Variants in NFIA observed in about 807,000 individuals in gnomAD.
NFIA encodes nuclear factor I A.
In NFIA, 8 loss-of-function variants were observed where a neutral mutation model predicts 62.8. That is an observed-to-expected ratio of 0.13 (90% CI 0.07 to 0.23). The LOEUF is 0.23. Ranked by LOEUF, NFIA falls within the 10% of genes least tolerant of loss-of-function variation. The probability of loss-of-function intolerance (pLI) is 1.00; values close to 1 mark genes in which losing one functional copy is unlikely to be tolerated. For missense variants in NFIA, 410 were observed against 642.1 expected, an observed-to-expected ratio of 0.64 and a Z score of 3.91; for synonymous variants, 235 against 238.1, an observed-to-expected ratio of 0.99 and a Z score of 0.12.
intron 4 of NFIA, among the ~76,000 whole-genome samples, chr1:61,349,682 C>T (rs544842537): frequency 1.3e-5 from 2 of 152,240 alleles, no homozygotes; most frequent in South Asian, 4.2e-4. Flanking sequence ...TCAAGTGATC[C>T]TCCCGTCTCA....
At chr1:61,262,216 AAAATTTGTATTTT>A (rs571848444) in intron 2 of NFIA, among the ~76,000 whole-genome samples, 138 of 152,206 alleles carry the variant, frequency 9.1e-4, no homozygotes, top group African/African-American at 3.2e-3. Context: ...TTTTTATGTG[AAAATTTGTATTTT>A]GTTTCACTCC....
intron 7 of NFIA, among the ~76,000 whole-genome samples, chr1:61,383,825 G>A (rs1008134016): frequency 1.1e-4 from 16 of 152,182 alleles, no homozygotes; most frequent in African/African-American, 3.4e-4. Flanking sequence ...CATAAAACCT[G>A]ATTTCAATAT....
intron 10 of NFIA, among the ~76,000 whole-genome samples, chr1:61,440,695 A>G (rs576321860): frequency 1.3e-5 from 2 of 151,800 alleles, no homozygotes; most frequent in Non-Finnish European, 2.9e-5. Flanking sequence ...TCTTTGGGAA[A>G]AAGAACATCT....
intron 2 of NFIA, among the ~76,000 whole-genome samples, chr1:61,155,596 C>T (rs1262423460): frequency 7.1e-6 from 1 of 141,442 alleles, no homozygotes; most frequent in Non-Finnish European, 1.5e-5. Flanking sequence ...TGGCGTGAAC[C>T]CGGGAAGCGG....
At chr1:61,094,788 C>T (rs958605802) in intron 2 of NFIA, among the ~76,000 whole-genome samples, 2 of 152,080 alleles carry the variant, frequency 1.3e-5, no homozygotes, top group Non-Finnish European at 2.9e-5. Context: ...GAAAACAATT[C>T]CTCATGTTTT....
chr1:61,327,840 A>G (rs1661037739), intron 3 of NFIA, among the ~76,000 whole-genome samples: 1 of 152,128 alleles, frequency 6.6e-6, no homozygotes, highest in South Asian at 2.1e-4. Context: ...AAATCTCCAT[A>G]CTGTTTCACA....
chr1:61,210,359 A>G (rs1461599142), intron 2 of NFIA, among the ~76,000 whole-genome samples: 1 of 152,198 alleles, frequency 6.6e-6, no homozygotes, highest in Non-Finnish European at 1.5e-5. Flanking sequence ...TTAAAAAAAC[A>G]CAAAAACCAT....
chr1:61,359,862 A>G (rs1186559249), intron 6 of NFIA, among the ~76,000 whole-genome samples: 1 of 152,062 alleles, frequency 6.6e-6, no homozygotes, highest in Non-Finnish European at 1.5e-5. Context: ...CAAACTCCTG[A>G]CCTTGTGATT....
At chr1:61,335,892 G>A (rs1661578922) in intron 4 of NFIA, among the ~76,000 whole-genome samples, 1 of 152,000 alleles carries the variant, frequency 6.6e-6, no homozygotes, top group East Asian at 1.9e-4. Flanking sequence ...TTAAACACAT[G>A]ATGTTAGCCC....
chr1:61,459,708 CTT>C lies in NFIA; in HGVS notation c.*4390_*4391del, dbSNP rs1668456452. 1 of 152,330 alleles carries C rather than the reference CTT, an allele frequency of 6.6e-6. No individual in the cohort carries two copies. The highest frequency in any genetic ancestry group is 3.4e-3 in the Middle Eastern group (1 of 294). 9.4% of individuals were successfully genotyped at this position (152,330 alleles called of 1,614,324 possible). On this transcript the variant is annotated 3_prime_UTR_variant, in exon 11 of 11. Transcript: ENST00000403491. ...GCAAGACCCATCTCCAAAAGTTTGT[CTT>C]TGATTTTTTCCAAGCCCTTAGCCCC...
intron 3 of NFIA, among the ~76,000 whole-genome samples, chr1:61,282,872 ATTTAGATGATTTCC>A (rs1658222324): frequency 6.6e-6 from 1 of 151,958 alleles, no homozygotes; most frequent in African/African-American, 2.4e-5. Flanking sequence ...CAGAATTGGT[ATTTAGATGATTTCC>A]TTTAGGTTTA....
chr1:61,248,848 G>C (rs1011321625), intron 2 of NFIA: 1 of 152,182 alleles, frequency 6.6e-6, no homozygotes, highest in African/African-American at 2.4e-5. Flanking sequence ...AATGCTCATG[G>C]AGAAATAGCA....
At chr1:61,435,444 C>T (rs1296793689) in intron 10 of NFIA, among the ~76,000 whole-genome samples, 2 of 152,186 alleles carry the variant, frequency 1.3e-5, no homozygotes, top group African/African-American at 2.4e-5. Flanking sequence ...GAACCCATGC[C>T]GTTCCTAACA....
intron 2 of NFIA, among the ~76,000 whole-genome samples, chr1:61,190,237 A>C (rs760115918): frequency 1.4e-4 from 21 of 152,308 alleles, no homozygotes; most frequent in Non-Finnish European, 2.5e-4. Flanking sequence ...TAATGACCAC[A>C]CAACATGGTC....
intron 9 of NFIA, 152 bp downstream of exon 9, chr1:61,406,879 G>C: frequency 3.3e-6 from 3 of 917,764 alleles, no homozygotes; most frequent in Non-Finnish European, 4.7e-6. Context: ...GAGAATCAAA[G>C]TGAACATGAC....
At chr1:61,370,698 G>A (rs149115947) in intron 6 of NFIA, among the ~76,000 whole-genome samples, 154 of 152,214 alleles carry the variant, frequency 1.0e-3, no homozygotes, top group African/African-American at 3.5e-3. Flanking sequence ...GGTCCAGCAC[G>A]CTCAGCCCAC....
intron 2 of NFIA, among the ~76,000 whole-genome samples, chr1:61,177,096 ACT>A (rs143116436): frequency 0.032 from 4,853 of 150,832 alleles, 227 homozygotes; most frequent in East Asian, 0.18. Context: ...ACAGAGCGAG[ACT>A]CTGTCTCAAC....
intron 2 of NFIA, among the ~76,000 whole-genome samples, chr1:61,158,649 C>T (rs781332181): frequency 2.3e-4 from 35 of 152,260 alleles, no homozygotes; most frequent in African/African-American, 7.9e-4. Flanking sequence ...AAGGAAAAAT[C>T]GTGCATACAT....
intron 3 of NFIA, among the ~76,000 whole-genome samples, chr1:61,321,608 A>G (rs1290684552): frequency 6.6e-6 from 1 of 152,234 alleles, no homozygotes; most frequent in Middle Eastern, 3.4e-3. Flanking sequence ...AAGTTATAGG[A>G]AGGTAGACAT....
Sources: allele counts gnomAD v4.1 joint callset (sites outside exome capture counted in the v4.1 genomes callset), GRCh38; gene constraint gnomAD v4.1.1; transcripts MANE v1.5; gene names NCBI Gene and HGNC (gene_info 2026-07-23, HGNC 2026-07-21).